The following HS1BP3 variants were observed in gnomAD, a reference collection of about 807,000 sequenced individuals.
The protein encoded by HS1BP3 is HCLS1-binding protein 3.
In HS1BP3, 32 loss-of-function variants were observed where a neutral mutation model predicts 33.5. The ratio of observed to expected loss-of-function variants is 0.95; its 90% CI spans 0.72 to 1.28. The LOEUF is 1.28. HS1BP3 is among the 50% of genes most tolerant of loss of function. HS1BP3 has a pLI of 0.00. For synonymous variants in HS1BP3, 187 were observed against 209.2 expected (o/e 0.89, Z 0.92); for missense variants, 486 against 502.3 (o/e 0.97, Z 0.31).
intron 4 of HS1BP3, among the ~76,000 whole-genome samples, chr2:20,631,615 T>C (rs1468124820): frequency 6.8e-6 from 1 of 146,336 alleles, no homozygotes. Flanking sequence ...AGAGTCACAT[T>C]CCAAGGACCT....
At chr2:20,557,937 G>A (rs983685578), downstream of HS1BP3, among the ~76,000 whole-genome samples, 4 of 152,200 alleles carry the variant, frequency 2.6e-5, no homozygotes, top group African/African-American at 4.8e-5. Flanking sequence ...GGTCTGACCC[G>A]GCAGGGTTTC....
At chr2:20,627,350 CG>C (rs1179020372) in intron 4 of HS1BP3, among the ~76,000 whole-genome samples, 2 of 152,250 alleles carry the variant, frequency 1.3e-5, no homozygotes, top group African/African-American at 2.4e-5. Context: ...TAACCAGCCA[CG>C]GGCCCCTCGG....
At chr2:20,570,363 T>C (rs562714601) in intron 5 of HS1BP3, among the ~76,000 whole-genome samples, 28 of 152,190 alleles carry the variant, frequency 1.8e-4, no homozygotes, top group Non-Finnish European at 3.5e-4. Context: ...TTGCTGAACT[T>C]GAGCTCTTGG....
At chr2:20,597,709 G>C (rs1693975107) in intron 3 of HS1BP3, among the ~76,000 whole-genome samples, 1 of 152,132 alleles carries the variant, frequency 6.6e-6, no homozygotes, top group South Asian at 2.1e-4. Context: ...CCTGGAAAGT[G>C]CTGAATATGG....
chr2:20,598,605 C>A (rs1343975408), intron 2 of HS1BP3, among the ~76,000 whole-genome samples: 1 of 113,158 alleles, frequency 8.8e-6, no homozygotes, highest in South Asian at 3.2e-4. Flanking sequence ...GTCGCCCAGG[C>A]TGGAGTGCAG....
chr2:20,598,162 A>G, intron 3 of HS1BP3: 2 of 242,954 alleles, frequency 8.2e-6, no homozygotes, highest in African/African-American at 2.2e-5. Context: ...CTTTATTTCT[A>G]TTATTATTAC....
intron 6 of HS1BP3, 178 bp downstream of exon 6, chr2:20,623,718 C>T (rs1694676313): frequency 3.2e-6 from 2 of 627,760 alleles, no homozygotes; most frequent in Non-Finnish European, 5.1e-6. Context: ...GCGGATCCTC[C>T]CCCTCAGCCC....
At chr2:20,648,732 C>T (rs1258711671) in intron 1 of HS1BP3, among the ~76,000 whole-genome samples, 1 of 152,210 alleles carries the variant, frequency 6.6e-6, no homozygotes, top group African/African-American at 2.4e-5. Context: ...ACTCTCCCCT[C>T]ACAGCCAGCC....
At chr2:20,564,289 A>G (rs1247045916) in intron 5 of HS1BP3, among the ~76,000 whole-genome samples, 1 of 152,104 alleles carries the variant, frequency 6.6e-6, no homozygotes, top group African/African-American at 2.4e-5. Context: ...TGCAGGGTGG[A>G]CGGCTGTGAC....
chr2:20,588,119 G>C (rs1208487587), downstream of HS1BP3, among the ~76,000 whole-genome samples: 2 of 146,844 alleles, frequency 1.4e-5, no homozygotes, highest in Non-Finnish European at 3.0e-5. Flanking sequence ...GTCTCTCCAA[G>C]ATGTTAAAAA....
intron 4 of HS1BP3, among the ~76,000 whole-genome samples, chr2:20,628,688 C>A (rs548764326): frequency 6.6e-6 from 1 of 151,596 alleles, no homozygotes; most frequent in Non-Finnish European, 1.5e-5. Context: ...CGCTCTGTCA[C>A]GGCAGAGCAC....
At position 20,609,479 on chromosome 2, in the gene HS1BP3, G is replaced by A. The variant is rs551045343; in HGVS notation, c.179-11214C>T. 6.0e-4 allele frequency among the ~76,000 whole-genome samples: 92 copies of A among 152,236 alleles called. 1 individual carries two copies. The highest frequency in any genetic ancestry group is 1.4e-3 in the Admixed American group (21 of 15,298). ...CAGCTCTTGGAGCCTTCTCTAGGGA[G>A]CACATTGAACAGTTTTCCGAATACT... On this transcript the variant is annotated intron_variant, in intron 2 of 3. Coordinates refer to the HS1BP3 transcript ENST00000415264.
At position 20,624,898 on chromosome 2, in the gene HS1BP3, G is replaced by A. The variant is rs10199441; in HGVS notation, c.624-6C>T. 493,663 of 1,611,914 alleles carry A rather than the reference G, an allele frequency of 0.31. 80,257 individuals carry two copies. Among genetic ancestry groups the A allele is most frequent in the East Asian group, 0.59 (26,383 of 44,826 alleles). ...GTTTCTTGGGCTTCTTGGAGCTGGA[G>A]AATCACAGACAAAGCACAAGGTGAG... is the stretch of plus-strand genomic sequence containing the variant. On this transcript the variant is annotated splice_region_variant and splice_polypyrimidine_tract_variant and intron_variant, in intron 4 of 6. Transcript: ENST00000304031.
chr2:20,561,744 G>A (rs529881106), intron 5 of HS1BP3, among the ~76,000 whole-genome samples: 17 of 152,234 alleles, frequency 1.1e-4, no homozygotes, highest in African/African-American at 3.4e-4. Context: ...CTTGGTTTCT[G>A]GCACACTGCT....
At chr2:20,565,558 C>G (rs1488580955) in intron 5 of HS1BP3, among the ~76,000 whole-genome samples, 2 of 152,260 alleles carry the variant, frequency 1.3e-5, no homozygotes, top group Non-Finnish European at 2.9e-5. Context: ...TCTGTAGCCT[C>G]CCACAAACTA....
chr2:20,630,131 G>A (rs1179067449), intron 4 of HS1BP3, among the ~76,000 whole-genome samples: 1 of 152,250 alleles, frequency 6.6e-6, no homozygotes, highest in Non-Finnish European at 1.5e-5. Context: ...GACAGCATGA[G>A]TCTTCAAAGC....
intron 4 of HS1BP3, among the ~76,000 whole-genome samples, chr2:20,626,692 C>T (rs868799018): frequency 3.6e-4 from 55 of 152,146 alleles, no homozygotes; most frequent in African/African-American, 1.2e-3. Context: ...TTTCTCCACC[C>T]AGCTCAGGCC....
chr2:20,559,337 G>A (rs1230486690), downstream of HS1BP3, among the ~76,000 whole-genome samples: 1 of 152,236 alleles, frequency 6.6e-6, no homozygotes, highest in Non-Finnish European at 1.5e-5. Context: ...CACTGCATCT[G>A]TCTGTTCCCA....
downstream of HS1BP3, among the ~76,000 whole-genome samples, chr2:20,557,428 A>G (rs1349494904): frequency 6.6e-6 from 1 of 152,098 alleles, no homozygotes. Context: ...CTGTTGGGCC[A>G]CTTTTAGGTT....
Sources: allele counts gnomAD v4.1 joint callset (sites outside exome capture counted in the v4.1 genomes callset), GRCh38; gene constraint gnomAD v4.1.1; transcripts MANE v1.5; gene names NCBI Gene and HGNC (gene_info 2026-07-23, HGNC 2026-07-21).